Variants in GPD2 observed in about 807,000 individuals in gnomAD.
The protein encoded by GPD2 is glycerol-3-phosphate dehydrogenase 2, also known as glycerol-3-phosphate dehydrogenase, mitochondrial.
Under a neutral mutation model 82.4 loss-of-function variants are expected in GPD2, and 54 were observed. The observed-to-expected ratio is 0.66, with a 90% CI of 0.53 to 0.82. The LOEUF is 0.82. Among genes scored for constraint, GPD2 ranks in the 40% least tolerant of loss-of-function variants. The pLI is 0.00. For synonymous variants in GPD2, 288 were observed against 306.1 expected, an observed-to-expected ratio of 0.94 and a Z score of 0.62; for missense variants, 748 against 896.2, an observed-to-expected ratio of 0.83 and a Z score of 2.11.
upstream of GPD2, among the ~76,000 whole-genome samples, chr2:156,431,609 A>G (rs1044383059): frequency 1.3e-5 from 2 of 152,128 alleles, no homozygotes; most frequent in African/African-American, 4.8e-5. Flanking sequence ...GTGCTTAGGC[A>G]TATAGGAAAT....
At chr2:156,450,322 A>G (rs1280216732) in intron 1 of GPD2, among the ~76,000 whole-genome samples, 1 of 152,204 alleles carries the variant, frequency 6.6e-6, no homozygotes, top group Non-Finnish European at 1.5e-5. Context: ...CTGAGGATAC[A>G]GACTTAGGAA....
At chr2:156,486,727 G>C (rs766224484) in intron 2 of GPD2, among the ~76,000 whole-genome samples, 1 of 152,186 alleles carries the variant, frequency 6.6e-6, no homozygotes, top group Non-Finnish European at 1.5e-5. Context: ...TTTCAACAAA[G>C]AATTTCTGTA....
At chr2:156,491,739 C>A (rs1301468941) in intron 2 of GPD2, among the ~76,000 whole-genome samples, 1 of 152,048 alleles carries the variant, frequency 6.6e-6, no homozygotes. Context: ...TAAGACACTC[C>A]TGGCCAGGCA....
At chr2:156,545,098 A>G (rs1686479242) in intron 6 of GPD2, among the ~76,000 whole-genome samples, 1 of 152,230 alleles carries the variant, frequency 6.6e-6, no homozygotes, top group Non-Finnish European at 1.5e-5. Context: ...GTGCATGTGC[A>G]CACACATGAG....
intron 2 of GPD2, among the ~76,000 whole-genome samples, chr2:156,490,931 AATTT>A (rs1684151600): frequency 4.1e-5 from 3 of 73,148 alleles, no homozygotes; most frequent in African/African-American, 6.3e-5. Flanking sequence ...AGTGCAGTAA[AATTT>A]ACCCTTTATA....
chr2:156,527,225 G>T (rs1013774120), intron 6 of GPD2, among the ~76,000 whole-genome samples: 5 of 151,754 alleles, frequency 3.3e-5, no homozygotes, highest in African/African-American at 9.7e-5. Flanking sequence ...CCACACTTTA[G>T]TTTCAACTAC....
At chr2:156,543,074 A>G (rs770150312) in intron 6 of GPD2, among the ~76,000 whole-genome samples, 7 of 152,134 alleles carry the variant, frequency 4.6e-5, no homozygotes, top group Admixed American at 1.3e-4. Flanking sequence ...TCATATACCA[A>G]AAACCCTGCT....
chr2:156,532,392 T>A (rs952700272), intron 6 of GPD2, among the ~76,000 whole-genome samples: 2 of 152,220 alleles, frequency 1.3e-5, no homozygotes, highest in Admixed American at 6.5e-5. Flanking sequence ...CTAGGTATAA[T>A]CAAGGGCCTT....
chr2:156,582,054 A>G (rs1688045872), intron 16 of GPD2, among the ~76,000 whole-genome samples: 2 of 152,074 alleles, frequency 1.3e-5, no homozygotes, highest in Non-Finnish European at 2.9e-5. Flanking sequence ...TAAAACAAAT[A>G]AAAAAGATTA....
chr2:156,531,000 T>C (rs1685834388), intron 6 of GPD2, among the ~76,000 whole-genome samples: 1 of 152,152 alleles, frequency 6.6e-6, no homozygotes, highest in Non-Finnish European at 1.5e-5. Flanking sequence ...TTTAAGACTC[T>C]ATTTTCAAAA....
intron 2 of GPD2, among the ~76,000 whole-genome samples, chr2:156,485,197 A>C (rs1370171143): frequency 6.6e-6 from 1 of 152,200 alleles, no homozygotes; most frequent in Admixed American, 6.5e-5. Context: ...GGCTGTTGTG[A>C]ATACATTCTG....
At chr2:156,401,339 T>C in the GPD2 span, among the ~76,000 whole-genome samples, 2 of 152,326 alleles carry the variant, frequency 1.3e-5, no homozygotes, top group South Asian at 2.1e-4. Flanking sequence ...AATCACATAG[T>C]TATAAAAAAT....
chr2:156,415,156 C>CTTTTTTTTTTTTTT, the GPD2 span, among the ~76,000 whole-genome samples: 2 of 114,620 alleles, frequency 1.7e-5, 1 homozygote, highest in Non-Finnish European at 3.6e-5. Flanking sequence ...TTGTATCATT[C>CTTTTTTTTTTTTTT]TTTTTTTTTT....
intron 1 of GPD2, among the ~76,000 whole-genome samples, chr2:156,469,320 G>A (rs779189851): frequency 4.6e-5 from 7 of 152,004 alleles, no homozygotes; most frequent in South Asian, 2.1e-4. Flanking sequence ...CCACCACCAC[G>A]CCTGGCTAAT....
At chr2:156,403,419 A>G in the GPD2 span, among the ~76,000 whole-genome samples, 4 of 152,176 alleles carry the variant, frequency 2.6e-5, no homozygotes, top group Non-Finnish European at 4.4e-5. Flanking sequence ...ATGAGGGTGT[A>G]ATGCTTGGAG....
chr2:156,578,811 A>G, intron 13 of GPD2, 78 bp from the exon 14 acceptor site: 1 of 852,422 alleles, frequency 1.2e-6, no homozygotes, highest in Non-Finnish European at 2.0e-6. Context: ...TCATTTTCTG[A>G]AGATCAACAG....
intron 6 of GPD2, among the ~76,000 whole-genome samples, chr2:156,533,351 A>T (rs1685937640): frequency 6.6e-6 from 1 of 152,206 alleles, no homozygotes. Flanking sequence ...TTCTCGAGAA[A>T]TGTTGGAGCA....
intron 2 of GPD2, among the ~76,000 whole-genome samples, chr2:156,479,022 G>T (rs1037893566): frequency 1.6e-4 from 25 of 152,290 alleles, no homozygotes; most frequent in African/African-American, 6.0e-4. Context: ...CCAGGACAAA[G>T]CTTCTTCCCT....
At chr2:156,525,778 G>T (rs764297821) in intron 6 of GPD2, among the ~76,000 whole-genome samples, 1 of 152,142 alleles carries the variant, frequency 6.6e-6, no homozygotes, top group African/African-American at 2.4e-5. Context: ...TGCTTTAGAT[G>T]ATTAGGAATT....
Sources: allele counts gnomAD v4.1 joint callset (sites outside exome capture counted in the v4.1 genomes callset), GRCh38; gene constraint gnomAD v4.1.1; transcripts MANE v1.5; gene names NCBI Gene and HGNC (gene_info 2026-07-23, HGNC 2026-07-21).